The following LCMT1 variants were observed in gnomAD, a reference collection of about 807,000 sequenced individuals.
LCMT1 encodes leucine carboxyl methyltransferase 1, also known as [Phosphatase 2A protein]-leucine-carboxy methyltransferase 1.
Under a neutral mutation model 47.7 loss-of-function variants are expected in LCMT1, and 32 were observed. The observed-to-expected ratio is 0.67, with a 90% CI of 0.51 to 0.90. The LOEUF is 0.90. LCMT1 is among the 40% of genes least tolerant of loss of function. The pLI, the probability that LCMT1 is intolerant of heterozygous loss-of-function variation, is 0.00. For missense variants in LCMT1, 375 were observed against 415.2 expected, an observed-to-expected ratio of 0.90 and a Z score of 0.84; for synonymous variants, 152 against 149.7, an observed-to-expected ratio of 1.02 and a Z score of -0.11.
chr16:25,113,312 A>T (rs562627934), intron 1 of LCMT1, among the ~76,000 whole-genome samples: 26 of 152,276 alleles, frequency 1.7e-4, no homozygotes, highest in Non-Finnish European at 3.1e-4. Context: ...AGTGTGTTGG[A>T]TTAAACCTTG....
At chr16:25,142,773 T>C (rs551650722) in intron 4 of LCMT1, 5 of 152,300 alleles carry the variant, frequency 3.3e-5, no homozygotes, top group South Asian at 2.1e-4. Context: ...AGGAAAAGTA[T>C]TGGACTCAAG....
chr16:25,144,650 C>T (rs888894245), intron 4 of LCMT1: 14 of 152,188 alleles, frequency 9.2e-5, no homozygotes, highest in Admixed American at 2.0e-4. Context: ...CCAATGGTGT[C>T]CCTTGACTTC....
chr16:25,146,005 G>A (rs1960838481), intron 4 of LCMT1: 1 of 152,224 alleles, frequency 6.6e-6, no homozygotes, highest in South Asian at 2.1e-4. Flanking sequence ...CAGGGAGATG[G>A]TGGCTCCCAT....
rs928694647 is a variant in LCMT1 at position 25,128,546 on chromosome 16, A to G, written c.185A>G (p.Lys62Arg). Reference sequence around the variant, plus strand: ...TTTGTGAGACTGTCTAAAGAGAGGAAAGCCCCTGAAATCAACAGAGGCAAG... The same window carrying G: ...TTTGTGAGACTGTCTAAAGAGAGGAGAGCCCCTGAAATCAACAGAGGCAAG... The part of the protein sequence containing the change: ...QHFVRLSKER[K>R]APEINRGYFA... The change falls in exon 2 of 11, where the codon AAA becomes AGA. Residue 62 changes from lysine (K) to arginine (R), a missense_variant. Transcript: ENST00000399069. 2 of 1,603,908 alleles carry G rather than the reference A, an allele frequency of 1.2e-6. No individual in the cohort carries two copies. Among genetic ancestry groups the G allele is most frequent in the South Asian group, 2.2e-5 (2 of 88,910 alleles).
intron 10 of LCMT1, 99 bp downstream of exon 10, chr16:25,175,133 C>G (rs1173226295): frequency 1.5e-6 from 1 of 672,416 alleles, no homozygotes; most frequent in Non-Finnish European, 2.6e-6. Context: ...TTCCCTCTTT[C>G]TCTCTCTGTC....
At chr16:25,130,195 C>G (rs539050703) in intron 2 of LCMT1, among the ~76,000 whole-genome samples, 2 of 151,952 alleles carry the variant, frequency 1.3e-5, no homozygotes, top group Admixed American at 1.3e-4. Flanking sequence ...AGAAAATTAG[C>G]CGGGTGTGGT....
intron 8 of LCMT1, 32 bp downstream of exon 8, chr16:25,169,245 GA>G: frequency 7.1e-7 from 1 of 1,415,262 alleles, no homozygotes; most frequent in Non-Finnish European, 1.0e-6. Flanking sequence ...TATCCATTTG[GA>G]CCCTTAGTCA....
chr16:25,150,828 A>G (rs1469777177), intron 4 of LCMT1, among the ~76,000 whole-genome samples: 1 of 152,198 alleles, frequency 6.6e-6, no homozygotes, highest in Non-Finnish European at 1.5e-5. Flanking sequence ...TTCTAGATCC[A>G]TGAAAATAAT....
At chr16:25,147,035 T>C (rs766781259) in intron 4 of LCMT1, 2 of 152,242 alleles carry the variant, frequency 1.3e-5, no homozygotes, top group Non-Finnish European at 2.9e-5. Context: ...CACCTGGCTA[T>C]TGGCATATTC....
chr16:25,133,194 G>A (rs536668490), intron 3 of LCMT1, among the ~76,000 whole-genome samples: 1 of 152,030 alleles, frequency 6.6e-6, no homozygotes, highest in African/African-American at 2.4e-5. Flanking sequence ...CTAAGATTTT[G>A]TCAGGATAAT....
At chr16:25,170,858 A>G in intron 9 of LCMT1, 53 bp downstream of exon 9, 1 of 1,134,784 alleles carries the variant, frequency 8.8e-7, no homozygotes, top group Non-Finnish European at 1.3e-6. Context: ...AACTCAAGGC[A>G]TGATTGCCTG....
Position 25,164,638 on chromosome 16 carries a change from A to G in LCMT1, c.610A>G (p.Met204Val), listed in dbSNP as rs1567326793. Residue 204 changes from methionine to valine, a missense_variant, in exon 7 of 11, where the codon ATG becomes GTG. Coordinates refer to ENST00000399069, the MANE Select transcript of LCMT1 (RefSeq NM_016309.3). ...GATAGCTGAATGTGTGCTGGTTTAC[A>G]TGACTCCAGAGCAGTCCGCAAACCT... is the stretch of plus-strand genomic sequence containing the variant. ...LLIAECVLVY[M>V]TPEQSANLLK... The G allele has an allele frequency of 6.2e-7, 1 of 1,613,958 alleles. No individual in the cohort carries two copies.
chr16:25,155,639 G>C (rs1015142211), intron 5 of LCMT1, among the ~76,000 whole-genome samples: 1 of 151,438 alleles, frequency 6.6e-6, no homozygotes, highest in African/African-American at 2.4e-5. Flanking sequence ...AGGCCTCTGC[G>C]TGCCTCCTGA....
intron 1 of LCMT1, among the ~76,000 whole-genome samples, chr16:25,114,580 T>G (rs1267955800): frequency 6.6e-6 from 1 of 152,136 alleles, no homozygotes; most frequent in African/African-American, 2.4e-5. Flanking sequence ...CTCCCCTCTT[T>G]TGTTTACCTG....
chr16:25,152,570 A>G (rs993764937), intron 5 of LCMT1, among the ~76,000 whole-genome samples: 3 of 152,220 alleles, frequency 2.0e-5, no homozygotes, highest in Non-Finnish European at 2.9e-5. Context: ...TTAGTTGCCA[A>G]CATTTCAAAA....
chr16:25,178,098 C>G lies in LCMT1; in HGVS notation c.*75C>G, dbSNP rs745704716. ...GGAGGAGACCTGCAAGCTCCCTGAG[C>G]GGTGGGCGGGCCTCGTCCGCAGGTC... On this transcript the variant is annotated 3_prime_UTR_variant, in exon 11 of 11. Transcript: ENST00000399069. 5 of 1,469,586 alleles carry G rather than the reference C, an allele frequency of 3.4e-6. No homozygotes were observed. Among genetic ancestry groups the G allele is most frequent in the Middle Eastern group, 1.7e-4 (1 of 5,782 alleles). 91.0% of individuals were successfully genotyped at this position (1,469,586 alleles called of 1,614,324 possible). A position where few individuals can be genotyped will look rare whatever the true frequency, so the allele number is the denominator to read the frequency against.
intron 1 of LCMT1, among the ~76,000 whole-genome samples, chr16:25,115,151 T>C (rs1026879378): frequency 3.9e-5 from 6 of 152,158 alleles, no homozygotes; most frequent in African/African-American, 1.4e-4. Flanking sequence ...ACTCTCCAGC[T>C]CTGACCCCTT....
intron 1 of LCMT1, among the ~76,000 whole-genome samples, chr16:25,122,726 G>C (rs947485814): frequency 6.6e-6 from 1 of 152,140 alleles, no homozygotes; most frequent in African/African-American, 2.4e-5. Context: ...GTTATCCTGT[G>C]CCTCTGCTTT....
At chr16:25,151,662 T>C in intron 5 of LCMT1, 47 bp downstream of exon 5, 1 of 1,474,066 alleles carries the variant, frequency 6.8e-7, no homozygotes, top group Non-Finnish European at 9.4e-7. Flanking sequence ...TATTTTTGCT[T>C]CCCACCCCCT....
Sources: gnomAD v4.1 joint callset for allele counts (sites outside exome capture counted in the v4.1 genomes callset) on GRCh38, gnomAD v4.1.1 for gene constraint, MANE v1.5 for transcripts, NCBI Gene and HGNC (gene_info 2026-07-23, HGNC 2026-07-21) for gene names.